Variants in BAZ2A observed in about 807,000 individuals in gnomAD.
BAZ2A encodes bromodomain adjacent to zinc finger domain 2A, also known as bromodomain adjacent to zinc finger domain protein 2A.
In BAZ2A, 34 loss-of-function variants were observed where a neutral mutation model predicts 199.9. The ratio of observed to expected loss-of-function variants is 0.17; its 90% CI spans 0.13 to 0.23. BAZ2A has a LOEUF of 0.23. BAZ2A is among the 10% of genes least tolerant of loss of function. The pLI, the probability that BAZ2A is intolerant of heterozygous loss-of-function variation, is 1.00. For missense variants in BAZ2A, 2,002 were observed against 2,391.1 expected (o/e 0.84, Z 3.39); for synonymous variants, 857 against 883.9 (o/e 0.97, Z 0.54).
chr12:56,609,636 GT>G, intron 10 of BAZ2A, 99 bp downstream of exon 10: 2 of 1,245,328 alleles, frequency 1.6e-6, no homozygotes, highest in Non-Finnish European at 2.3e-6. Flanking sequence ...CCCAGATAAT[GT>G]TAGTTACACT....
At chr12:56,620,963 A>G (rs1950903030) in intron 1 of BAZ2A, 12 of 660,474 alleles carry the variant, frequency 1.8e-5, no homozygotes, top group Non-Finnish European at 2.2e-5. Context: ...GAATTAAAGG[A>G]AAGTTCATTC....
At chr12:56,630,611 C>G (rs1951281832), upstream of BAZ2A, among the ~76,000 whole-genome samples, 1 of 152,224 alleles carries the variant, frequency 6.6e-6, no homozygotes, top group Admixed American at 6.5e-5. Flanking sequence ...GGCCCAAAGG[C>G]AGGTGCCACT....
In BAZ2A at chr12:56,604,216, C is replaced by A; in HGVS notation, c.3038+1G>T. 2 of 1,603,564 alleles carry A rather than the reference C, an allele frequency of 1.2e-6. No homozygotes were observed. Among genetic ancestry groups the A allele is most frequent in the Non-Finnish European group, 8.5e-7 (1 of 1,174,434 alleles). On this transcript the variant is annotated splice_donor_variant, in intron 16 of 28. Transcript: ENST00000549884. LOFTEE classifies it high-confidence loss of function. ...GGCTCTACTCTCTGTCTGGTCCCTA[C>A]CTCCGGAGCCGGCCTTCAACAATCC...
intron 1 of BAZ2A, 35 bp downstream of exon 1, chr12:56,630,089 CT>C: frequency 1.0e-6 from 1 of 961,608 alleles, no homozygotes; most frequent in Non-Finnish European, 1.2e-6. Flanking sequence ...GCGGGGCTCC[CT>C]CCCCCTCAGG....
At position 56,597,109 on chromosome 12, in the gene BAZ2A, T is replaced by C. The variant is rs1489187223; in HGVS notation, c.*1509A>G. 1.3e-5 allele frequency: 2 copies of C among 152,758 alleles called. No homozygotes were observed. Among genetic ancestry groups the C allele is most frequent in the Non-Finnish European group, 2.9e-5 (2 of 68,138 alleles). 9.5% of individuals were successfully genotyped at this position (152,758 alleles called of 1,614,324 possible). ...GCAGGGGGCCAAGTGCCCATGGCTA[T>C]AGCTGGGAGTCAGCAGCTTTCCTCT... is the stretch of plus-strand genomic sequence containing the variant. On this transcript the variant is annotated 3_prime_UTR_variant, in exon 29 of 29. Coordinates refer to ENST00000549884, the MANE Select transcript of BAZ2A (RefSeq NM_001300905.2).
chr12:56,630,683 AG>A, upstream of BAZ2A: 1 of 790,806 alleles, frequency 1.3e-6, no homozygotes, highest in Non-Finnish European at 1.5e-6. Flanking sequence ...TTTCCCAGGT[AG>A]GGTAATGGAA....
At chr12:56,634,726 G>C (rs1284160783), upstream of BAZ2A, among the ~76,000 whole-genome samples, 2 of 152,166 alleles carry the variant, frequency 1.3e-5, no homozygotes, top group Admixed American at 1.3e-4. Context: ...AAAGGTACTC[G>C]GGAGACGATG....
intron 13 of BAZ2A, 171 bp downstream of exon 13, chr12:56,605,659 C>T (rs1238629024): frequency 6.7e-6 from 5 of 750,940 alleles, no homozygotes; most frequent in Admixed American, 6.0e-5. Flanking sequence ...TGGGCTCAAG[C>T]GATCTGCCCG....
chr12:56,598,474 G>T lies in BAZ2A; in HGVS notation c.*144C>A. On this transcript the variant is annotated 3_prime_UTR_variant, in exon 29 of 29. Coordinates refer to ENST00000549884, the MANE Select transcript of BAZ2A (RefSeq NM_001300905.2). Reference sequence around the variant, plus strand: ...AGGGATGTAGGAATAAGAGGATGTGGGGCACTGCCAAGGGCAAGGTCAAAA... The same window carrying T: ...AGGGATGTAGGAATAAGAGGATGTGTGGCACTGCCAAGGGCAAGGTCAAAA... The T allele has an allele frequency of 2.0e-6, 2 of 988,594 alleles. No homozygotes were observed. Among genetic ancestry groups the T allele is most frequent in the South Asian group, 1.7e-5 (1 of 60,264 alleles). 61.2% of individuals were successfully genotyped at this position (988,594 alleles called of 1,614,324 possible).
rs1215463787 is a variant in BAZ2A at position 56,601,611 on chromosome 12, G to A, written c.4006C>T (p.Pro1336Ser). Residue 1336 changes from proline to serine, a missense_variant, in exon 20 of 29, where the codon CCG becomes TCG. Pro to Ser is a moderately conservative substitution (Grantham distance 74). Transcript: ENST00000549884. ...AQMPCNAAPT[P>S]PPAVSEDQPT... ...TGGTCCTCAGAAACTGCAGGGGGCGGTGTGGGGGCAGCATTGCAGGGCATC... is the reference window on the plus strand; with the variant it reads ...TGGTCCTCAGAAACTGCAGGGGGCGATGTGGGGGCAGCATTGCAGGGCATC... 40 of 1,613,970 alleles carry A rather than the reference G, an allele frequency of 2.5e-5. No homozygotes were observed. The highest frequency in any genetic ancestry group is 3.1e-5 in the Non-Finnish European group (36 of 1,179,886).
At chr12:56,619,170 C>T (rs1565830347) in intron 1 of BAZ2A, among the ~76,000 whole-genome samples, 1 of 151,814 alleles carries the variant, frequency 6.6e-6, no homozygotes, top group Non-Finnish European at 1.5e-5. Context: ...ATGGTGAAAC[C>T]CTACCTCTAC....
chr12:56,597,010 G>A lies in BAZ2A; in HGVS notation c.*1608C>T, dbSNP rs1317792208. 6.6e-6 allele frequency: 1 copy of A among 152,474 alleles called. No individual in the cohort carries two copies. Among genetic ancestry groups the A allele is most frequent in the East Asian group, 1.9e-4 (1 of 5,178 alleles). The allele number at this position is 152,474 out of a possible 1,614,324, so 9.4% of individuals were successfully genotyped here. ...CTTGGATGCCTCAGCTCTCTGCTTG[G>A]GCCAGCCAGCAGCCACCTCCCCAGT... is the stretch of plus-strand genomic sequence containing the variant. On this transcript the variant is annotated 3_prime_UTR_variant, in exon 29 of 29. Coordinates refer to ENST00000549884, the MANE Select transcript of BAZ2A (RefSeq NM_001300905.2).
chr12:56,622,173 T>C (rs374965085), intron 1 of BAZ2A, among the ~76,000 whole-genome samples: 1 of 152,054 alleles, frequency 6.6e-6, no homozygotes, highest in Non-Finnish European at 1.5e-5. Context: ...ACCCCATCTC[T>C]ATTAAAATTA....
Position 56,600,935 on chromosome 12 carries a change from G to C in BAZ2A, c.4450+8C>G. The C allele has an allele frequency of 6.2e-7, 1 of 1,613,646 alleles. No homozygotes were observed. Among genetic ancestry groups the C allele is most frequent in the Non-Finnish European group, 8.5e-7 (1 of 1,179,688 alleles). ...TTCAGCTCAAGCTGGGTGTAGGAATGTATTTACCAGCTGAGGGCCGCAGGC... is the reference window on the plus strand; with the variant it reads ...TTCAGCTCAAGCTGGGTGTAGGAATCTATTTACCAGCTGAGGGCCGCAGGC... On this transcript the variant is annotated splice_region_variant and intron_variant, in intron 22 of 28. Transcript: ENST00000549884.
intron 1 of BAZ2A, among the ~76,000 whole-genome samples, chr12:56,618,513 G>A (rs542352775): frequency 2.6e-5 from 4 of 152,124 alleles, no homozygotes; most frequent in African/African-American, 7.2e-5. Flanking sequence ...CATATCAATC[G>A]GATTCTTGTG....
In BAZ2A at chr12:56,617,472, C is replaced by T. The variant is rs868750836; in HGVS notation, c.59G>A (p.Gly20Glu). 1 of 1,609,464 alleles carries T rather than the reference C, an allele frequency of 6.2e-7. No individual in the cohort carries two copies. Among genetic ancestry groups the T allele is most frequent in the Middle Eastern group, 1.7e-4 (1 of 6,052 alleles). The change falls in exon 2 of 29, where the codon GGA becomes GAA. Residue 20 changes from glycine (G) to glutamate (E), a missense_variant. Gly to Glu is a moderately conservative substitution (Grantham distance 98). Transcript: ENST00000549884. ...CCCTGAGGAAGGAGAGGGTTTCAGT[C>T]CTGAGGCAGCAGGTGCAGGGGGAAG... ...TGLPPAPAAS[G>E]LKPSPSSGEG...
At chr12:56,612,963 C>T (rs570868138) in intron 5 of BAZ2A, 52 bp downstream of exon 5, 108 of 1,533,814 alleles carry the variant, frequency 7.0e-5, no homozygotes, top group Non-Finnish European at 9.3e-5. Context: ...AACTTATTCT[C>T]TCATCTTTTC....
Position 56,611,609 on chromosome 12 carries a change from G to A in BAZ2A, c.1634C>T (p.Ala545Val). 6.2e-7 allele frequency: 1 copy of A among 1,611,596 alleles called. No homozygotes were observed. Among genetic ancestry groups the A allele is most frequent in the Non-Finnish European group, 8.5e-7 (1 of 1,179,044 alleles). Residue 545 changes from alanine (A) to valine (V), a missense_variant, in exon 7 of 29, where the codon GCT (alanine) becomes GTT (valine). Transcript: ENST00000549884. ...GGGAAGACGAACTTCTTCTGGGGTA[G>A]CAATACGTCTCCTCATGACATCACC... ...GSGDVMRRRIATPEEVRLPLQ... is the reference protein window; with the variant it reads ...GSGDVMRRRIVTPEEVRLPLQ...
At position 56,602,764 on chromosome 12, in the gene BAZ2A, C is replaced by A; in HGVS notation, c.3373G>T (p.Val1125Leu). Residue 1125 changes from valine (V) to leucine (L), a missense_variant, in exon 19 of 29, where the codon GTA (valine) becomes TTA (leucine). Coordinates refer to ENST00000549884, the MANE Select transcript of BAZ2A (RefSeq NM_001300905.2). ...AAGATACCAGCCAAATACGGCAATA[C>A]CCAGTAGCGACGTCTGTAGCGGTCC... ...GQDRYRRRYW[V>L]LPYLAGIFVE... 3.7e-6 allele frequency: 6 copies of A among 1,613,964 alleles called. No homozygotes were observed. The highest frequency in any genetic ancestry group is 5.1e-6 in the Non-Finnish European group (6 of 1,179,868).
Sources: allele counts gnomAD v4.1 joint callset (sites outside exome capture counted in the v4.1 genomes callset), GRCh38; gene constraint gnomAD v4.1.1; transcripts MANE v1.5; gene names NCBI Gene and HGNC (gene_info 2026-07-23, HGNC 2026-07-21).